The following GOLGB1 variants were observed in gnomAD, a reference collection of about 807,000 sequenced individuals.
GOLGB1 encodes the protein golgin subfamily B member 1.
Under a neutral mutation model 336.9 loss-of-function variants are expected in GOLGB1, and 174 were observed. That is an observed-to-expected ratio of 0.52 (90% CI 0.46 to 0.59). GOLGB1 has a LOEUF of 0.59. Among genes scored for constraint, GOLGB1 ranks in the 20% least tolerant of loss-of-function variants. GOLGB1 has a pLI of 0.00. For synonymous variants in GOLGB1, 1,208 were observed against 1,289.2 expected (o/e 0.94, Z 1.35); for missense variants, 3,331 against 3,645.3 (o/e 0.91, Z 2.22).
At chr3:121,747,273 A>G (rs1358837035) in intron 1 of GOLGB1, among the ~76,000 whole-genome samples, 10 of 135,228 alleles carry the variant, frequency 7.4e-5, no homozygotes, top group Non-Finnish European at 1.1e-4. Flanking sequence ...ATATATGTAT[A>G]TATGTATATA....
chr3:121,724,925 A>G (rs916778241), intron 5 of GOLGB1, among the ~76,000 whole-genome samples: 4 of 152,162 alleles, frequency 2.6e-5, no homozygotes, highest in African/African-American at 9.7e-5. Flanking sequence ...GGCTCATGTC[A>G]CAGCTCAAAA....
intron 1 of GOLGB1, among the ~76,000 whole-genome samples, chr3:121,741,249 A>C (rs1946832506): frequency 6.6e-6 from 1 of 152,194 alleles, no homozygotes; most frequent in Non-Finnish European, 1.5e-5. Flanking sequence ...TGACTAAAGA[A>C]ACATCATTAT....
Position 121,698,191 on chromosome 3 carries a change from G to C in GOLGB1, c.2332C>G (p.Leu778Val). Residue 778 changes from leucine (L) to valine (V), a missense_variant, in exon 13 of 22, where the codon CTT becomes GTT. Leu to Val is a conservative substitution (Grantham distance 32, BLOSUM62 1). Coordinates refer to ENST00000614479, the MANE Select transcript of GOLGB1 (RefSeq NM_001366282.2). Reference protein sequence around the residue: ...RAQVKQLEMNLAEAERQRRLD... With the variant: ...RAQVKQLEMNVAEAERQRRLD... ...CTTCTTTGCCTTTCTGCTTCTGCAA[G>C]GTTCATTTCCAGTTGCTTTACCTGA... 1 of 1,613,760 alleles carries C rather than the reference G, an allele frequency of 6.2e-7. No individual in the cohort carries two copies. The highest frequency in any genetic ancestry group is 8.5e-7 in the Non-Finnish European group (1 of 1,179,940).
At chr3:121,699,741 G>T in intron 12 of GOLGB1, 71 bp downstream of exon 12, 2 of 854,618 alleles carry the variant, frequency 2.3e-6, no homozygotes, top group South Asian at 3.2e-5. Flanking sequence ...AATTATGGAC[G>T]TATTTTCATA....
rs763677090 is a variant in GOLGB1, at chr3:121,697,846, C to T, written c.2677G>A (p.Asp893Asn). Reference sequence around the variant, plus strand: ...ATGGTTTGTTGGAGGGTTTCCACATCTCTCTTTTTCTCTAGTAAGAGCTGA... The same window carrying T: ...ATGGTTTGTTGGAGGGTTTCCACATTTCTCTTTTTCTCTAGTAAGAGCTGA... ...MDQLLLEKKR[D>N]VETLQQTIEE... Residue 893 changes from aspartate (D) to asparagine (N), a missense_variant, in exon 13 of 22, where the codon GAT becomes AAT. Asp to Asn is a conservative substitution (Grantham distance 23, BLOSUM62 1). Transcript: ENST00000614479. 1.9e-6 allele frequency: 3 copies of T among 1,614,102 alleles called. No homozygotes were observed. In the South Asian group the frequency reaches 3.3e-5, roughly 18 times the overall value.
In GOLGB1 at chr3:121,694,262, G is replaced by A. The variant is rs774312748; in HGVS notation, c.6261C>T (p.Val2087=). 6.2e-6 allele frequency: 10 copies of A among 1,610,192 alleles called. No homozygotes were observed. In the Admixed American group the frequency reaches 1.7e-4, roughly 27 times the overall value. Residue 2087 remains valine, a synonymous_variant, in exon 13 of 22, where the codon GTC becomes GTT. Transcript: ENST00000614479. Reference sequence around the variant, plus strand: ...CTTCACTTTGAGTGTCATCTAGCAGGACTTTGAAGCTAGCTAATTCTGCTT... The same window carrying A: ...CTTCACTTTGAGTGTCATCTAGCAGAACTTTGAAGCTAGCTAATTCTGCTT... ...KAQAELASFK[V]LLDDTQSEAA...
Position 121,676,972 on chromosome 3 carries a change from T to C in GOLGB1, c.9098A>G (p.Glu3033Gly). ...DGSQNLVYET[E>G]LLRTQLNDSL... ...GTCATTGAGCTGGGTCCTGAGAAGTTCTGTCTCATAAACCAGATTTTGTGA... is the reference window on the plus strand; with the variant it reads ...GTCATTGAGCTGGGTCCTGAGAAGTCCTGTCTCATAAACCAGATTTTGTGA... The change falls in exon 17 of 22, where the codon GAA (glutamate) becomes GGA (glycine). Residue 3033 changes from glutamate to glycine, a missense_variant. By Grantham distance (98) the Glu-to-Gly change is moderately conservative (BLOSUM62 -2). Transcript: ENST00000614479. 6.2e-7 allele frequency: 1 copy of C among 1,613,662 alleles called. No individual in the cohort carries two copies. The highest frequency in any genetic ancestry group is 8.5e-7 in the Non-Finnish European group (1 of 1,179,546).
At chr3:121,704,163 G>A (rs968129824) in intron 10 of GOLGB1, among the ~76,000 whole-genome samples, 3 of 151,920 alleles carry the variant, frequency 2.0e-5, no homozygotes, top group Non-Finnish European at 4.4e-5. Flanking sequence ...GGACATGTGG[G>A]ACAATATTAA....
intron 10 of GOLGB1, among the ~76,000 whole-genome samples, chr3:121,710,215 T>TA (rs1165203748): frequency 3.3e-5 from 5 of 151,588 alleles, no homozygotes; most frequent in African/African-American, 4.8e-5. Context: ...TGAATTCTTT[T>TA]AAAAAAAAGT....
chr3:121,705,608 A>G (rs1015955341), intron 10 of GOLGB1, among the ~76,000 whole-genome samples: 1 of 152,230 alleles, frequency 6.6e-6, no homozygotes, highest in Admixed American at 6.5e-5. Context: ...GTCAAGAAAG[A>G]GCAAGATGGC....
chr3:121,707,074 A>G (rs999913442), intron 10 of GOLGB1, among the ~76,000 whole-genome samples: 4 of 151,384 alleles, frequency 2.6e-5, no homozygotes, highest in Non-Finnish European at 5.9e-5. Flanking sequence ...AAACAAACAA[A>G]AAAATAGCCA....
At chr3:121,699,738 G>A in intron 12 of GOLGB1, 74 bp downstream of exon 12, 1 of 829,068 alleles carries the variant, frequency 1.2e-6, no homozygotes. Context: ...GAAAATTATG[G>A]ACGTATTTTC....
chr3:121,664,941 G>A lies in GOLGB1; in HGVS notation c.9645C>T (p.Ser3215=). 8.2e-6 allele frequency: 13 copies of A among 1,590,576 alleles called. No homozygotes were observed. The highest frequency in any genetic ancestry group is 1.1e-5 in the Non-Finnish European group (13 of 1,158,704). The change falls in exon 21 of 22, where the codon AGC becomes AGT. Residue 3215 remains serine (S), a synonymous_variant. Coordinates refer to ENST00000614479, the MANE Select transcript of GOLGB1 (RefSeq NM_001366282.2). The part of the protein sequence containing the change: ...QEQALLIDLT[S]NSCRRTRSGV... ...TTCCTCTTACCCTTCGACAACTGTTGCTTGTAAGATCTATTAACAGTGCCT... is the reference window on the plus strand; with the variant it reads ...TTCCTCTTACCCTTCGACAACTGTTACTTGTAAGATCTATTAACAGTGCCT...
At chr3:121,688,078 C>G (rs990370063) in intron 14 of GOLGB1, among the ~76,000 whole-genome samples, 1 of 152,114 alleles carries the variant, frequency 6.6e-6, no homozygotes, top group African/African-American at 2.4e-5. Flanking sequence ...CAATTACCTA[C>G]AATAAAAAGG....
chr3:121,719,616 C>A, intron 7 of GOLGB1, 30 bp downstream of exon 7: 2 of 1,563,912 alleles, frequency 1.3e-6, no homozygotes, highest in South Asian at 2.4e-5. Flanking sequence ...ACCAAAATGA[C>A]AGTCATTCTA....
Position 121,694,996 on chromosome 3 carries a change from A to G in GOLGB1, c.5527T>C (p.Tyr1843His). 1.2e-6 allele frequency: 2 copies of G among 1,613,980 alleles called. No homozygotes were observed. Among genetic ancestry groups the G allele is most frequent in the Non-Finnish European group, 1.7e-6 (2 of 1,179,884 alleles). The part of the protein sequence containing the change: ...DFSSHDEINN[Y>H]LQQIDQLKER... ...TTGAGCTGATCAATCTGCTGTAGGTAGTTATTAATTTCATCATGTGAGCTG... is the reference window on the plus strand; with the variant it reads ...TTGAGCTGATCAATCTGCTGTAGGTGGTTATTAATTTCATCATGTGAGCTG... Residue 1843 changes from tyrosine (Y) to histidine (H), a missense_variant, in exon 13 of 22, where the codon TAC (tyrosine) becomes CAC (histidine). Tyr to His is a moderately conservative substitution (Grantham distance 83). Coordinates refer to ENST00000614479, the MANE Select transcript of GOLGB1 (RefSeq NM_001366282.2).
At chr3:121,681,918 C>T in intron 14 of GOLGB1, 53 bp from the exon 15 acceptor site, 2 of 1,269,916 alleles carry the variant, frequency 1.6e-6, no homozygotes, top group South Asian at 1.2e-5. Context: ...ATTCATCTAA[C>T]TGTAAGTCAT....
rs919348618 is a variant in GOLGB1, at chr3:121,692,534, A to G, written c.6830T>C (p.Val2277Ala). The G allele has an allele frequency of 6.2e-7, 1 of 1,608,138 alleles. No homozygotes were observed. Among genetic ancestry groups the G allele is most frequent in the Admixed American group, 1.7e-5 (1 of 58,592 alleles). Reference protein sequence around the residue: ...QIWESKAQTEVQLQQKVCDTL... With the variant: ...QIWESKAQTEAQLQQKVCDTL... ...ATCACAGACCTTCTGCTGAAGCTGG[A>G]CCTCTGTCTGGGCCTTGGACTCCCA... is the stretch of plus-strand genomic sequence containing the variant. Residue 2277 changes from valine (V) to alanine (A), a missense_variant, in exon 14 of 22, where the codon GTC becomes GCC. Physicochemically the swap from Val to Ala is moderately conservative, Grantham distance 64. Transcript: ENST00000614479.
rs764889699 is a variant in GOLGB1 at position 121,691,590 on chromosome 3, G to A, written c.7774C>T (p.Arg2592Trp). 17 of 1,613,476 alleles carry A rather than the reference G, an allele frequency of 1.1e-5. No homozygotes were observed. Among genetic ancestry groups the A allele is most frequent in the East Asian group, 2.2e-5 (1 of 44,888 alleles). The change falls in exon 14 of 22, where the codon CGG becomes TGG. Residue 2592 changes from arginine (R) to tryptophan (W), a missense_variant. Transcript: ENST00000614479. The part of the protein sequence containing the change: ...KESEEANEDL[R>W]RSFNALQEEK... Reference sequence around the variant, plus strand: ...TCTTGTAGGGCATTAAAGGACCTCCGCAGATCCTCATTTGCTTCCTCAGAT... The same window carrying A: ...TCTTGTAGGGCATTAAAGGACCTCCACAGATCCTCATTTGCTTCCTCAGAT...
Sources: gnomAD v4.1 joint callset for allele counts (sites outside exome capture counted in the v4.1 genomes callset) on GRCh38, gnomAD v4.1.1 for gene constraint, MANE v1.5 for transcripts, NCBI Gene and HGNC (gene_info 2026-07-23, HGNC 2026-07-21) for gene names.